The following MPPED1 variants were observed in gnomAD, a reference collection of about 807,000 sequenced individuals.
The protein encoded by MPPED1 is metallophosphoesterase domain containing 1.
A neutral mutation model predicts 36.2 loss-of-function variants in MPPED1; 16 were observed. The ratio of observed to expected loss-of-function variants is 0.44; its 90% CI spans 0.30 to 0.67. The LOEUF (loss-of-function observed/expected upper bound fraction) is 0.67, where lower values mean the gene tolerates loss of function less well. MPPED1 is among the 30% of genes least tolerant of loss of function. The pLI, the probability that MPPED1 is intolerant of heterozygous loss-of-function variation, is 0.10. For synonymous variants in MPPED1, 199 were observed against 191.3 expected (o/e 1.04, Z -0.33); for missense variants, 307 against 453.4 (o/e 0.68, Z 2.93).
At chr22:43,481,718 T>C (rs997528961) in intron 4 of MPPED1, among the ~76,000 whole-genome samples, 1 of 152,188 alleles carries the variant, frequency 6.6e-6, no homozygotes, top group Non-Finnish European at 1.5e-5. Flanking sequence ...GGCCTAACTG[T>C]GCCCCCTGCT....
At chr22:43,498,613 C>A (rs1285430565) in intron 5 of MPPED1, among the ~76,000 whole-genome samples, 1 of 152,108 alleles carries the variant, frequency 6.6e-6, no homozygotes, top group Non-Finnish European at 1.5e-5. Flanking sequence ...CAGGTGGGAC[C>A]CTGGAGCTTC....
At chr22:43,475,906 GTGA>G (rs1341945674) in intron 4 of MPPED1, among the ~76,000 whole-genome samples, 1 of 134,862 alleles carries the variant, frequency 7.4e-6, no homozygotes, top group Admixed American at 7.5e-5. Context: ...TATGCTGATG[GTGA>G]TGATGGTGAA....
chr22:43,467,258 G>A (rs1272809357), intron 3 of MPPED1, among the ~76,000 whole-genome samples: 1 of 152,224 alleles, frequency 6.6e-6, no homozygotes. Context: ...CCTGCTAAGG[G>A]TGTCTGGAAG....
chr22:43,463,435 T>C (rs898873098), intron 3 of MPPED1, among the ~76,000 whole-genome samples: 4 of 151,630 alleles, frequency 2.6e-5, no homozygotes, highest in African/African-American at 9.7e-5. Flanking sequence ...GGGCTTAAGC[T>C]GTCCTCCCAC....
intron 2 of MPPED1, among the ~76,000 whole-genome samples, chr22:43,426,773 T>C (rs1269088549): frequency 1.3e-5 from 2 of 152,242 alleles, no homozygotes; most frequent in East Asian, 3.9e-4. Context: ...CTTGTCTCCG[T>C]GTGGGGCCAC....
chr22:43,469,036 G>A (rs1931269982), intron 3 of MPPED1, among the ~76,000 whole-genome samples: 1 of 152,118 alleles, frequency 6.6e-6, no homozygotes, highest in Non-Finnish European at 1.5e-5. Context: ...CCCATGTTGT[G>A]CCCATCTTTG....
intron 3 of MPPED1, among the ~76,000 whole-genome samples, chr22:43,455,564 G>A (rs571601871): frequency 1.2e-4 from 19 of 152,280 alleles, no homozygotes; most frequent in African/African-American, 4.3e-4. Flanking sequence ...CTTTTGTGGA[G>A]GGGGAGACAA....
chr22:43,505,478 G>A lies in MPPED1; in HGVS notation c.863-20G>A. On this transcript the variant is annotated intron_variant, in intron 6 of 6. Transcript: ENST00000443721. The stretch of plus-strand genomic sequence containing the variant: ...CACTACTCTGGCTGCTGGCCTGATG[G>A]GCATGTGCTTACTTTCCAGGGTATG... 13 of 1,589,592 alleles carry A rather than the reference G, an allele frequency of 8.2e-6. No homozygotes were observed. The highest frequency in any genetic ancestry group is 1.8e-5 in the Admixed American group (1 of 57,044).
chr22:43,447,883 A>ATATATATATATATATATTTTT (rs1321289636), intron 3 of MPPED1, among the ~76,000 whole-genome samples: 6 of 67,734 alleles, frequency 8.9e-5, no homozygotes, highest in African/African-American at 2.7e-4. Flanking sequence ...ATATATATAT[A>ATATATATATATATATATTTTT]TTTTTTTTTT....
chr22:43,498,859 C>T (rs1932516546), intron 5 of MPPED1, among the ~76,000 whole-genome samples: 1 of 140,142 alleles, frequency 7.1e-6, no homozygotes, highest in Non-Finnish European at 1.6e-5. Flanking sequence ...CCTCCTCCAC[C>T]CCTACTGTCC....
chr22:43,501,195 C>G (rs1932723927), intron 5 of MPPED1, among the ~76,000 whole-genome samples: 1 of 152,194 alleles, frequency 6.6e-6, no homozygotes, highest in African/African-American at 2.4e-5. Context: ...TTCACCCCCA[C>G]CTGAAGCCGC....
At chr22:43,419,622 G>A (rs1300483413) in intron 1 of MPPED1, among the ~76,000 whole-genome samples, 1 of 152,120 alleles carries the variant, frequency 6.6e-6, no homozygotes, top group Non-Finnish European at 1.5e-5. Flanking sequence ...GGTGCTGGGT[G>A]TGCCAGAGGG....
intron 1 of MPPED1, among the ~76,000 whole-genome samples, chr22:43,414,365 C>T (rs1388638661): frequency 6.6e-6 from 1 of 152,028 alleles, no homozygotes; most frequent in Non-Finnish European, 1.5e-5. Context: ...TGACGGTGGT[C>T]GCTGGGATTC....
intron 3 of MPPED1, among the ~76,000 whole-genome samples, chr22:43,436,029 G>A (rs150477183): frequency 8.5e-5 from 13 of 152,164 alleles, no homozygotes; most frequent in Admixed American, 8.5e-4. Context: ...TGCTGGTCTC[G>A]GCAGCAGAGC....
chr22:43,426,269 A>G (rs1342525810), intron 2 of MPPED1, among the ~76,000 whole-genome samples: 2 of 151,856 alleles, frequency 1.3e-5, no homozygotes, highest in African/African-American at 4.8e-5. Context: ...CTTCTGCTTG[A>G]GAGCGGAGGC....
At chr22:43,496,404 AGGTGGT>A in intron 4 of MPPED1, among the ~76,000 whole-genome samples, 1 of 16,398 alleles carries the variant, frequency 6.1e-5, no homozygotes, top group South Asian at 2.4e-3. Context: ...GTGGTGGTGG[AGGTGGT>A]GATGGAGGTG....
chr22:43,432,482 AG>A, intron 2 of MPPED1, among the ~76,000 whole-genome samples: 2 of 110,242 alleles, frequency 1.8e-5, no homozygotes, highest in African/African-American at 3.5e-5. Flanking sequence ...AGAGAAAGGG[AG>A]GAGAGAAAGG....
At chr22:43,440,210 A>G (rs1306059340) in intron 3 of MPPED1, among the ~76,000 whole-genome samples, 2 of 152,194 alleles carry the variant, frequency 1.3e-5, no homozygotes. Context: ...CCACCAGTAA[A>G]TGGGAGCTTC....
At chr22:43,413,832 C>T (rs763011738) in intron 1 of MPPED1, among the ~76,000 whole-genome samples, 22 of 152,210 alleles carry the variant, frequency 1.4e-4, no homozygotes, top group Non-Finnish European at 2.4e-4. Context: ...AATCCAGTCA[C>T]GGAGGCTTAA....
Sources: gnomAD v4.1 joint callset for allele counts (sites outside exome capture counted in the v4.1 genomes callset) on GRCh38, gnomAD v4.1.1 for gene constraint, MANE v1.5 for transcripts, NCBI Gene and HGNC (gene_info 2026-07-23, HGNC 2026-07-21) for gene names.